The following CALN1 variants were observed in gnomAD, a reference collection of about 807,000 sequenced individuals.
CALN1 encodes calcium-binding protein 8.
A neutral mutation model predicts 30.6 loss-of-function variants in CALN1; 17 were observed. The ratio of observed to expected loss-of-function variants is 0.56; its 90% CI spans 0.38 to 0.83. The LOEUF is 0.83. CALN1 is among the 40% of genes least tolerant of loss of function. The probability of loss-of-function intolerance (pLI) is 0.00; values close to 1 mark genes in which losing one functional copy is unlikely to be tolerated. For missense variants in CALN1, 291 were observed against 354.9 expected, an observed-to-expected ratio of 0.82 and a Z score of 1.45; for synonymous variants, 156 against 131.4, an observed-to-expected ratio of 1.19 and a Z score of -1.28.
intron 6 of CALN1, among the ~76,000 whole-genome samples, chr7:71,794,559 A>T (rs1786779763): frequency 6.6e-6 from 1 of 152,204 alleles, no homozygotes; most frequent in East Asian, 1.9e-4. Context: ...TCTCTGTAAA[A>T]GGAGCTAATA....
At chr7:72,422,100 T>C (rs1807631670) in intron 1 of CALN1, among the ~76,000 whole-genome samples, 1 of 152,200 alleles carries the variant, frequency 6.6e-6, no homozygotes, top group African/African-American at 2.4e-5. Flanking sequence ...CATCTGCAAG[T>C]GTCTTTTTCA....
At chr7:72,000,178 T>A (rs1799456949) in intron 5 of CALN1, among the ~76,000 whole-genome samples, 1 of 151,588 alleles carries the variant, frequency 6.6e-6, no homozygotes, top group African/African-American at 2.4e-5. Flanking sequence ...AATAGTAAGC[T>A]AAGAGCAGAA....
chr7:72,097,513 A>G (rs1806316973), intron 4 of CALN1, among the ~76,000 whole-genome samples: 4 of 152,054 alleles, frequency 2.6e-5, no homozygotes. Flanking sequence ...ACCTGCTTCT[A>G]TAATTCAGCT....
chr7:72,349,521 A>G (rs562390707), intron 2 of CALN1, among the ~76,000 whole-genome samples: 1 of 152,196 alleles, frequency 6.6e-6, no homozygotes, highest in Admixed American at 6.5e-5. Flanking sequence ...TCCAGAAGAA[A>G]AAAAACATTA....
chr7:71,982,492 G>T (rs1798452395), intron 5 of CALN1, among the ~76,000 whole-genome samples: 1 of 152,158 alleles, frequency 6.6e-6, no homozygotes, highest in Non-Finnish European at 1.5e-5. Context: ...TACTCTGGAG[G>T]CTGAGGCAGG....
In CALN1 at chr7:72,407,949, G is replaced by C. The variant is rs560987880; in HGVS notation, c.-74+4109C>G. On this transcript the variant is annotated intron_variant, in intron 1 of 6. Transcript: ENST00000395275. ...CCTACTCCTTCAGTCTGGAGGATCA[G>C]CTTGTTCCTGAGAGTATCCAAGAAG... 2.8e-3 allele frequency among the ~76,000 whole-genome samples: 431 copies of C among 152,152 alleles called. 2 individuals are homozygous for C. Among genetic ancestry groups the C allele is most frequent in the African/African-American group, 0.01 (423 of 41,496 alleles).
chr7:72,384,478 T>C (rs149192610), intron 2 of CALN1, among the ~76,000 whole-genome samples: 2,300 of 152,036 alleles, frequency 0.015, 23 homozygotes, highest in African/African-American at 0.028. Context: ...TTAATGAAAA[T>C]TAATTCAAAA....
chr7:72,336,638 G>C (rs1022603751), intron 2 of CALN1: 2 of 959,000 alleles, frequency 2.1e-6, no homozygotes, highest in African/African-American at 1.8e-5. Flanking sequence ...AGAGAAGCGA[G>C]GACCGAGGGA....
At chr7:71,907,821 T>A (rs74411516) in intron 5 of CALN1, among the ~76,000 whole-genome samples, 17 of 152,224 alleles carry the variant, frequency 1.1e-4, no homozygotes, top group African/African-American at 4.1e-4. Context: ...GAGCACACAC[T>A]TCTAGTTCTT....
intron 4 of CALN1, among the ~76,000 whole-genome samples, chr7:72,055,989 C>CAGG (rs953892986): frequency 4.9e-4 from 74 of 152,284 alleles, no homozygotes; most frequent in African/African-American, 1.7e-3. Flanking sequence ...CACTGTAATC[C>CAGG]AGCTGGGGCA....
At chr7:71,940,609 T>C (rs1796075703) in intron 5 of CALN1, among the ~76,000 whole-genome samples, 1 of 152,288 alleles carries the variant, frequency 6.6e-6, no homozygotes, top group Middle Eastern at 3.4e-3. Context: ...TTTTTGTTTG[T>C]TTGTTTTTTC....
At chr7:72,401,817 C>A (rs143998664) in intron 2 of CALN1, among the ~76,000 whole-genome samples, 1 of 152,174 alleles carries the variant, frequency 6.6e-6, no homozygotes. Flanking sequence ...CCCTTTCCTC[C>A]GTCACACCAG....
intron 2 of CALN1, among the ~76,000 whole-genome samples, chr7:72,383,999 C>T (rs569943363): frequency 3.3e-5 from 5 of 152,284 alleles, no homozygotes; most frequent in Admixed American, 6.5e-5. Context: ...CACGTGCACC[C>T]ATATGTTTAT....
chr7:71,861,894 G>A (rs917031621), intron 5 of CALN1, among the ~76,000 whole-genome samples: 2 of 151,192 alleles, frequency 1.3e-5, no homozygotes, highest in African/African-American at 4.9e-5. Flanking sequence ...GTCCTTTTCA[G>A]TTTCCTTAGA....
At chr7:72,394,135 T>C (rs1053985168) in intron 2 of CALN1, among the ~76,000 whole-genome samples, 17 of 152,148 alleles carry the variant, frequency 1.1e-4, no homozygotes, top group African/African-American at 1.7e-4. Flanking sequence ...TTTGTGCATA[T>C]AGAATTTTTT....
intron 2 of CALN1, among the ~76,000 whole-genome samples, chr7:72,282,229 T>C (rs1295881700): frequency 5.3e-5 from 8 of 152,138 alleles, no homozygotes; most frequent in Admixed American, 4.6e-4. Context: ...ATAAACCTTG[T>C]CCTGAAACTA....
chr7:71,960,902 C>T (rs1422800366), intron 5 of CALN1, among the ~76,000 whole-genome samples: 1 of 152,258 alleles, frequency 6.6e-6, no homozygotes, highest in East Asian at 1.9e-4. Flanking sequence ...TTGCAACCTC[C>T]ACCTCCCAGG....
chr7:72,272,145 T>C (rs764539806), intron 3 of CALN1, among the ~76,000 whole-genome samples: 3 of 151,684 alleles, frequency 2.0e-5, no homozygotes, highest in South Asian at 2.1e-4. Flanking sequence ...GACTCTGGAA[T>C]AGTCAAAGTG....
chr7:72,041,446 C>T (rs192071115), intron 4 of CALN1, among the ~76,000 whole-genome samples: 51 of 152,088 alleles, frequency 3.4e-4, no homozygotes, highest in South Asian at 6.2e-4. Flanking sequence ...TGCAGTGGTA[C>T]GATTTCGGCT....
Sources: allele counts gnomAD v4.1 joint callset (sites outside exome capture counted in the v4.1 genomes callset), GRCh38; gene constraint gnomAD v4.1.1; transcripts MANE v1.5; gene names NCBI Gene and HGNC (gene_info 2026-07-23, HGNC 2026-07-21).